NELL1: variants seen among roughly 807,000 people sequenced by gnomAD.
NELL1 encodes neural EGFL like 1, also known as protein kinase C-binding protein NELL1.
Under a neutral mutation model 107.4 loss-of-function variants are expected in NELL1, and 76 were observed. That is an observed-to-expected ratio of 0.71 (90% CI 0.59 to 0.86). NELL1 has a LOEUF of 0.86. NELL1 is among the 40% of genes least tolerant of loss of function. NELL1 has a pLI of 0.00. For missense variants in NELL1, 1,024 were observed against 1,005.5 expected, an observed-to-expected ratio of 1.02 and a Z score of -0.25; for synonymous variants, 353 against 341.2, an observed-to-expected ratio of 1.03 and a Z score of -0.38.
intron 14 of NELL1, among the ~76,000 whole-genome samples, chr11:21,303,106 ATCTATATCTATC>A (rs1342507564): frequency 7.8e-6 from 1 of 128,784 alleles, no homozygotes; most frequent in Non-Finnish European, 1.8e-5. Flanking sequence ...CTATATCTAT[ATCTATATCTATC>A]TTCTGTCTAT....
At chr11:20,901,527 A>G (rs978420920) in intron 5 of NELL1, among the ~76,000 whole-genome samples, 2 of 150,448 alleles carry the variant, frequency 1.3e-5, no homozygotes, top group Admixed American at 6.7e-5. Flanking sequence ...ATTGCTCTCT[A>G]GGGTCAATGA....
chr11:21,060,121 G>T (rs949072684), intron 12 of NELL1, among the ~76,000 whole-genome samples: 1 of 152,088 alleles, frequency 6.6e-6, no homozygotes, highest in African/African-American at 2.4e-5. Flanking sequence ...GGAAGACCAT[G>T]CTGTCACCAT....
intron 2 of NELL1, among the ~76,000 whole-genome samples, chr11:20,735,862 T>C (rs1366912451): frequency 6.6e-6 from 1 of 152,114 alleles, no homozygotes; most frequent in Non-Finnish European, 1.5e-5. Context: ...AGAGATATTA[T>C]AACATATTTG....
At chr11:21,271,144 G>T (rs1268007414) in intron 14 of NELL1, among the ~76,000 whole-genome samples, 1 of 151,852 alleles carries the variant, frequency 6.6e-6, no homozygotes, top group Non-Finnish European at 1.5e-5. Context: ...ATAAAAATTA[G>T]TGCCAAAATC....
chr11:21,382,239 C>G (rs1041303125), intron 15 of NELL1, among the ~76,000 whole-genome samples: 2 of 151,862 alleles, frequency 1.3e-5, no homozygotes, highest in Non-Finnish European at 2.9e-5. Context: ...TGGGAGTAAT[C>G]ATCCAAATAT....
intron 3 of NELL1, among the ~76,000 whole-genome samples, chr11:20,789,956 C>T (rs1355630808): frequency 6.6e-6 from 1 of 152,122 alleles, no homozygotes. Context: ...TTGGGTAGCT[C>T]CTCTCTGCAG....
rs757048604 is a variant in NELL1 at position 20,919,329 on chromosome 11, G to C, written c.754G>C (p.Ala252Pro). Residue 252 changes from alanine (A) to proline (P), a missense_variant, in exon 7 of 20, where the codon GCA (alanine) becomes CCA (proline). Transcript: ENST00000357134. ...DLQELLAKMT[A>P]KLNYAETRLS... ...ACAAGAGCTTTTGGCCAAGATGACT[G>C]CAAAAGTAGGTATCTAAATTTCATT... The C allele has an allele frequency of 6.4e-7, 1 of 1,570,114 alleles. No individual in the cohort carries two copies. Among genetic ancestry groups the C allele is most frequent in the Non-Finnish European group, 8.7e-7 (1 of 1,144,940 alleles).
In NELL1 at chr11:21,573,645, A is replaced by G. The variant is rs539672444; in HGVS notation, c.2382+236A>G. The stretch of plus-strand genomic sequence containing the variant: ...AGAATTGCTCCTGCCTTTGAACTAC[A>G]TAATTTTGACAAGTGATTCTTGGCT... On this transcript the variant is annotated intron_variant, in intron 19 of 19. Coordinates refer to ENST00000357134, the MANE Select transcript of NELL1 (RefSeq NM_006157.5). Among the ~76,000 whole-genome samples the G allele has an allele frequency of 2.0e-5, 3 of 152,020 alleles. No homozygotes were observed. In the South Asian group the frequency reaches 6.2e-4, roughly 31 times the overall value.
intron 16 of NELL1, among the ~76,000 whole-genome samples, chr11:21,538,892 C>T (rs185158657): frequency 1.3e-5 from 2 of 152,038 alleles, no homozygotes; most frequent in Admixed American, 6.6e-5. Context: ...TTCCTTTGTT[C>T]TCTCATATAC....
At chr11:21,191,641 TA>T (rs1459687314) in intron 13 of NELL1, among the ~76,000 whole-genome samples, 1 of 151,960 alleles carries the variant, frequency 6.6e-6, no homozygotes, top group Non-Finnish European at 1.5e-5. Flanking sequence ...ATAAGGATTA[TA>T]ACAGCACTTT....
chr11:20,969,090 G>A (rs900571575), intron 12 of NELL1, among the ~76,000 whole-genome samples: 6 of 152,048 alleles, frequency 3.9e-5, no homozygotes, highest in African/African-American at 1.2e-4. Context: ...CCATAAATGA[G>A]TTCTAGCTTC....
At chr11:21,205,384 G>A (rs1590732499) in intron 13 of NELL1, among the ~76,000 whole-genome samples, 1 of 152,328 alleles carries the variant, frequency 6.6e-6, no homozygotes, top group Admixed American at 6.5e-5. Flanking sequence ...CACCCAGTTG[G>A]AACTTCCCTG....
chr11:21,037,541 C>A (rs74602095), intron 12 of NELL1, among the ~76,000 whole-genome samples: 19,962 of 152,068 alleles, frequency 0.13, 1,408 homozygotes, highest in South Asian at 0.19. Flanking sequence ...CGATGTATGC[C>A]TAGTTTTTTA....
rs1857194812 is a variant in NELL1, at chr11:21,575,281, T to C, written c.*259T>C. ...TTGTTAAAAGAAGTTTCCCGTGTTGTAAATCATGTTTCCCTTATCAGATCA... is the reference window on the plus strand; with the variant it reads ...TTGTTAAAAGAAGTTTCCCGTGTTGCAAATCATGTTTCCCTTATCAGATCA... On this transcript the variant is annotated 3_prime_UTR_variant, in exon 20 of 20. Transcript: ENST00000357134. 2.3e-6 allele frequency: 1 copy of C among 426,132 alleles called. No individual in the cohort carries two copies. Among genetic ancestry groups the C allele is most frequent in the Admixed American group, 3.7e-5 (1 of 26,772 alleles). 26.4% of individuals were successfully genotyped at this position (426,132 alleles called of 1,614,324 possible). A position where few individuals can be genotyped will look rare whatever the true frequency, so the allele number is the denominator to read the frequency against.
intron 13 of NELL1, among the ~76,000 whole-genome samples, chr11:21,211,973 A>G (rs1791860): frequency 0.98 from 149,259 of 152,154 alleles, 73,262 homozygotes; most frequent in East Asian, 1. Context: ...TTACAAGAGT[A>G]TGCCACCACA....
At chr11:20,699,389 C>A (rs1407320558) in intron 2 of NELL1, among the ~76,000 whole-genome samples, 1 of 151,496 alleles carries the variant, frequency 6.6e-6, no homozygotes, top group Non-Finnish European at 1.5e-5. Context: ...GAGATGGAGT[C>A]TCGCTCTGTC....
intron 13 of NELL1, among the ~76,000 whole-genome samples, chr11:21,155,144 A>C (rs1026273357): frequency 2.0e-5 from 3 of 152,202 alleles, no homozygotes; most frequent in Non-Finnish European, 4.4e-5. Context: ...GAAAATCATC[A>C]GAAAATCATT....
intron 12 of NELL1, among the ~76,000 whole-genome samples, chr11:21,038,834 A>G (rs1853158208): frequency 6.6e-6 from 1 of 152,214 alleles, no homozygotes; most frequent in Non-Finnish European, 1.5e-5. Context: ...CTGTAAATCA[A>G]CTATGTCACT....
At chr11:21,138,077 G>A (rs888716903) in intron 13 of NELL1, among the ~76,000 whole-genome samples, 2 of 152,138 alleles carry the variant, frequency 1.3e-5, no homozygotes, top group African/African-American at 4.8e-5. Flanking sequence ...GAGAGAACCT[G>A]ATGGCATTAT....
Sources: allele counts gnomAD v4.1 joint callset (sites outside exome capture counted in the v4.1 genomes callset), GRCh38; gene constraint gnomAD v4.1.1; transcripts MANE v1.5; gene names NCBI Gene and HGNC (gene_info 2026-07-23, HGNC 2026-07-21).